The following RYR2 variants were observed in gnomAD, a reference collection of about 807,000 sequenced individuals.
The protein encoded by RYR2 is cardiac muscle ryanodine receptor-calcium release channel.
In RYR2, 227 loss-of-function variants were observed where a neutral mutation model predicts 601.1. The ratio of observed to expected loss-of-function variants is 0.38; its 90% CI spans 0.34 to 0.42. The LOEUF (loss-of-function observed/expected upper bound fraction) is 0.42, where lower values mean the gene tolerates loss of function less well. Among genes scored for constraint, RYR2 ranks in the 10% least tolerant of loss-of-function variants. RYR2 has a pLI of 1.00. For synonymous variants in RYR2, 2,223 were observed against 2,175.1 expected (o/e 1.02, Z -0.61); for missense variants, 4,646 against 6,156.5 (o/e 0.75, Z 8.21).
chr1:237,411,263 A>G (rs969029773), intron 10 of RYR2, among the ~76,000 whole-genome samples: 9 of 152,210 alleles, frequency 5.9e-5, no homozygotes, highest in Non-Finnish European at 1.0e-4. Flanking sequence ...TAGAAACAGT[A>G]TAAAATAATG....
chr1:237,170,033 C>G (rs1677176185), intron 1 of RYR2, among the ~76,000 whole-genome samples: 1 of 152,120 alleles, frequency 6.6e-6, no homozygotes, highest in Admixed American at 6.5e-5. Flanking sequence ...AAATGTCTTT[C>G]TCCCTTGAAG....
At chr1:237,439,339 A>C (rs1044513119) in intron 12 of RYR2, among the ~76,000 whole-genome samples, 18 of 152,146 alleles carry the variant, frequency 1.2e-4, no homozygotes, top group African/African-American at 4.8e-5. Flanking sequence ...CTCAAGGGTC[A>C]TAGTAATTAT....
chr1:237,466,591 A>T (rs994011502), intron 16 of RYR2, among the ~76,000 whole-genome samples: 11 of 151,610 alleles, frequency 7.3e-5, no homozygotes, highest in African/African-American at 2.7e-4. Flanking sequence ...CTATTATATA[A>T]ATTATTTTTA....
chr1:237,171,443 T>G (rs1160222051), intron 1 of RYR2, among the ~76,000 whole-genome samples: 2 of 152,090 alleles, frequency 1.3e-5, no homozygotes, highest in Non-Finnish European at 2.9e-5. Context: ...GATGATCACC[T>G]CTAGAGGAAA....
chr1:237,663,418 A>G (rs886521856), intron 56 of RYR2, among the ~76,000 whole-genome samples: 3 of 151,318 alleles, frequency 2.0e-5, no homozygotes, highest in African/African-American at 7.3e-5. Context: ...TGTGATTCTG[A>G]GCCTGAATTC....
intron 1 of RYR2, among the ~76,000 whole-genome samples, chr1:237,151,613 G>A (rs933910885): frequency 6.6e-6 from 1 of 152,194 alleles, no homozygotes; most frequent in African/African-American, 2.4e-5. Flanking sequence ...TCTGCTGGGT[G>A]AGGATATAAG....
In RYR2 at chr1:237,631,920, A is replaced by C. The variant is rs1191294562; in HGVS notation, c.6555+379A>C. ...AGTGCTGGGATTACAGGCGTGAGCCACCGCGCCCAGCCCAGATTGTAGATT... is the reference window on the plus strand; with the variant it reads ...AGTGCTGGGATTACAGGCGTGAGCCCCCGCGCCCAGCCCAGATTGTAGATT... On this transcript the variant is annotated intron_variant, in intron 42 of 104. Transcript: ENST00000366574. 3.3e-5 allele frequency among the ~76,000 whole-genome samples: 5 copies of C among 151,970 alleles called. No homozygotes were observed. In the East Asian group the frequency reaches 5.8e-4, roughly 18 times the overall value.
intron 28 of RYR2, among the ~76,000 whole-genome samples, chr1:237,568,870 G>A (rs547284337): frequency 6.6e-6 from 1 of 152,140 alleles, no homozygotes; most frequent in Admixed American, 6.5e-5. Flanking sequence ...TGTGAGGTTC[G>A]ATTTTTAAAA....
At chr1:237,334,345 G>C (rs1274283231) in intron 3 of RYR2, among the ~76,000 whole-genome samples, 1 of 151,720 alleles carries the variant, frequency 6.6e-6, no homozygotes, top group Non-Finnish European at 1.5e-5. Context: ...GTTGCTTATT[G>C]TGACTATTAG....
At chr1:237,287,138 C>G (rs1163422817) in intron 2 of RYR2, among the ~76,000 whole-genome samples, 2 of 152,092 alleles carry the variant, frequency 1.3e-5, no homozygotes, top group Non-Finnish European at 1.5e-5. Context: ...AGATACGGCC[C>G]CAGTCGCTTC....
chr1:237,417,845 G>A (rs560211053), intron 11 of RYR2, among the ~76,000 whole-genome samples: 10 of 151,618 alleles, frequency 6.6e-5, no homozygotes, highest in African/African-American at 1.5e-4. Context: ...AAAATAATTC[G>A]AAGCTTTAGT....
intron 1 of RYR2, among the ~76,000 whole-genome samples, chr1:237,264,762 C>A (rs567523230): frequency 6.6e-6 from 1 of 150,860 alleles, no homozygotes; most frequent in Non-Finnish European, 1.5e-5. Context: ...GTGGCGTGAT[C>A]TCGGCTCACT....
chr1:237,127,612 C>A (rs1477784533), intron 1 of RYR2, among the ~76,000 whole-genome samples: 2 of 151,900 alleles, frequency 1.3e-5, no homozygotes, highest in African/African-American at 2.4e-5. Context: ...GGCGGAGACG[C>A]TCCTCACTTC....
In RYR2 at chr1:237,614,020, A is replaced by AT. The variant is rs1559115183; in HGVS notation, c.4911-19_4911-18insT. The stretch of plus-strand genomic sequence containing the variant: ...ATCATTCATTTCTAATCTTACTACC[A>AT]CTCTCCTCCCTTCTACAGATCTGTT... On this transcript the variant is annotated intron_variant, in intron 36 of 104. Transcript: ENST00000366574. The surrounding 1 kb of genome is among the most constrained non-coding windows in gnomAD (Gnocchi z 4.3). 1.9e-6 allele frequency: 3 copies of AT among 1,594,008 alleles called. No homozygotes were observed. In the African/African-American group the frequency reaches 4.0e-5, roughly 21 times the overall value.
intron 12 of RYR2, among the ~76,000 whole-genome samples, chr1:237,439,946 T>C (rs1455193876): frequency 1.3e-5 from 2 of 152,220 alleles, no homozygotes; most frequent in East Asian, 1.9e-4. Context: ...AGTAGATTAG[T>C]AGTTTATCTA....
At chr1:237,569,427 G>C in intron 29 of RYR2, 108 bp downstream of exon 29, 2 of 1,013,754 alleles carry the variant, frequency 2.0e-6, no homozygotes, top group Non-Finnish European at 3.0e-6. Context: ...GAGCAGATGA[G>C]TTGCAGCTGT....
chr1:237,154,768 G>A (rs1341732430), intron 1 of RYR2, among the ~76,000 whole-genome samples: 2 of 152,196 alleles, frequency 1.3e-5, no homozygotes, highest in Non-Finnish European at 2.9e-5. Flanking sequence ...GTTGTTTAAA[G>A]TGTATTATAT....
chr1:237,230,574 T>G (rs1174529779), intron 1 of RYR2, among the ~76,000 whole-genome samples: 3 of 152,200 alleles, frequency 2.0e-5, no homozygotes, highest in Admixed American at 6.5e-5. Flanking sequence ...CTTCCCCTGA[T>G]AGTTGTCTTA....
chr1:237,188,067 C>A (rs1266648262), intron 1 of RYR2, among the ~76,000 whole-genome samples: 2 of 152,170 alleles, frequency 1.3e-5, no homozygotes, highest in Non-Finnish European at 2.9e-5. Context: ...CATCCCCAGG[C>A]CTTGAGCAGC....
Sources: gnomAD v4.1 joint callset for allele counts (sites outside exome capture counted in the v4.1 genomes callset) on GRCh38, gnomAD v4.1.1 for gene constraint, Gnocchi (gnomAD v3.1) non-coding constraint, MANE v1.5 for transcripts, NCBI Gene and HGNC (gene_info 2026-07-23, HGNC 2026-07-21) for gene names.